The following DCLK2 variants were observed in gnomAD, a reference collection of about 807,000 sequenced individuals.
DCLK2 encodes doublecortin like kinase 2.
A neutral mutation model predicts 78.4 loss-of-function variants in DCLK2; 31 were observed. The observed-to-expected ratio is 0.40, with a 90% CI of 0.30 to 0.53. The LOEUF is 0.53. Among genes scored for constraint, DCLK2 ranks in the 20% least tolerant of loss-of-function variants. The pLI, the probability that DCLK2 is intolerant of heterozygous loss-of-function variation, is 0.61. For missense variants in DCLK2, 872 were observed against 973.7 expected (o/e 0.90, Z 1.39); for synonymous variants, 407 against 374.9 (o/e 1.09, Z -0.99).
At chr4:150,147,721 T>G (rs1734585630) in intron 2 of DCLK2, among the ~76,000 whole-genome samples, 1 of 152,240 alleles carries the variant, frequency 6.6e-6, no homozygotes, top group African/African-American at 2.4e-5. Flanking sequence ...CCTGTGGAAC[T>G]GATGCTGGAA....
chr4:150,204,241 A>C (rs1739673973), intron 5 of DCLK2, among the ~76,000 whole-genome samples: 1 of 152,190 alleles, frequency 6.6e-6, no homozygotes, highest in African/African-American at 2.4e-5. Context: ...TTCTTTAAAA[A>C]ATCTTGTTTC....
At chr4:150,174,777 A>G (rs1016194532) in intron 2 of DCLK2, among the ~76,000 whole-genome samples, 1 of 151,182 alleles carries the variant, frequency 6.6e-6, no homozygotes, top group Non-Finnish European at 1.5e-5. Context: ...CAGGTGGATC[A>G]CCTGAGGTCA....
At chr4:150,171,865 C>T (rs1300023345) in intron 2 of DCLK2, among the ~76,000 whole-genome samples, 1 of 152,246 alleles carries the variant, frequency 6.6e-6, no homozygotes, top group Admixed American at 6.5e-5. Context: ...CATTCCACTT[C>T]TTTTCTAAGG....
intron 1 of DCLK2, among the ~76,000 whole-genome samples, chr4:150,081,657 TC>T (rs1169673474): frequency 6.6e-6 from 1 of 152,054 alleles, no homozygotes; most frequent in African/African-American, 2.4e-5. Flanking sequence ...TCTTCAGTTT[TC>T]CCCCAAATTA....
intron 2 of DCLK2, among the ~76,000 whole-genome samples, chr4:150,162,526 A>G (rs1293021394): frequency 6.6e-6 from 1 of 152,212 alleles, no homozygotes; most frequent in Non-Finnish European, 1.5e-5. Flanking sequence ...TAGTTAACCT[A>G]ATAAATATCT....
At chr4:150,242,690 C>T (rs1482769644) in intron 12 of DCLK2, among the ~76,000 whole-genome samples, 1 of 152,100 alleles carries the variant, frequency 6.6e-6, no homozygotes, top group Non-Finnish European at 1.5e-5. Context: ...CAAGATTCCC[C>T]AAAGCAGCCA....
At chr4:150,103,228 A>AC (rs1731009755) in intron 2 of DCLK2, among the ~76,000 whole-genome samples, 1 of 152,102 alleles carries the variant, frequency 6.6e-6, no homozygotes, top group African/African-American at 2.4e-5. Flanking sequence ...TCTTAGAAAA[A>AC]CCTTTTCTTC....
At chr4:150,155,717 T>C (rs1735222517) in intron 2 of DCLK2, among the ~76,000 whole-genome samples, 1 of 152,164 alleles carries the variant, frequency 6.6e-6, no homozygotes. Flanking sequence ...ATGGTGGGCA[T>C]TGTACATCAA....
At chr4:150,253,652 C>T (rs773140087) in intron 15 of DCLK2, 7 of 1,265,458 alleles carry the variant, frequency 5.5e-6, no homozygotes, top group Non-Finnish European at 7.2e-6. Context: ...GTCCGGCTCT[C>T]AGCTGCTTAC....
intron 1 of DCLK2, among the ~76,000 whole-genome samples, chr4:150,091,626 G>T (rs1454136892): frequency 6.6e-6 from 1 of 152,172 alleles, no homozygotes; most frequent in African/African-American, 2.4e-5. Context: ...AGTTAGTTGT[G>T]TTAGGCAGTT....
intron 5 of DCLK2, among the ~76,000 whole-genome samples, chr4:150,204,333 A>G (rs1413856559): frequency 6.6e-6 from 1 of 152,124 alleles, no homozygotes. Flanking sequence ...TAATGTTTAT[A>G]CTCACAAGCT....
chr4:150,222,167 C>T (rs556890199), intron 7 of DCLK2, among the ~76,000 whole-genome samples: 2 of 152,074 alleles, frequency 1.3e-5, no homozygotes, highest in South Asian at 4.2e-4. Context: ...TGTTGCCAGG[C>T]TGGTCCTAGG....
intron 1 of DCLK2, among the ~76,000 whole-genome samples, chr4:150,085,522 T>A (rs1454561129): frequency 1.3e-5 from 2 of 152,166 alleles, no homozygotes; most frequent in Non-Finnish European, 1.5e-5. Flanking sequence ...GGTGCCCTCA[T>A]GATCTAATCA....
At chr4:150,225,148 AGAG>A (rs1741504914) in intron 8 of DCLK2, among the ~76,000 whole-genome samples, 1 of 152,236 alleles carries the variant, frequency 6.6e-6, no homozygotes, top group South Asian at 2.1e-4. Context: ...TCTTTGCCTC[AGAG>A]GAGAATATTA....
chr4:150,087,072 A>G (rs752756184), intron 1 of DCLK2, among the ~76,000 whole-genome samples: 1 of 152,224 alleles, frequency 6.6e-6, no homozygotes, highest in Admixed American at 6.5e-5. Flanking sequence ...AAAACATGTT[A>G]TAATTCAATC....
intron 9 of DCLK2, 56 bp downstream of exon 9, chr4:150,232,512 G>T: frequency 1.3e-6 from 2 of 1,596,126 alleles, no homozygotes; most frequent in Non-Finnish European, 1.7e-6. Flanking sequence ...CAACATCCTT[G>T]AAGGACCTAA....
At chr4:150,126,461 A>G (rs1368312881) in intron 2 of DCLK2, among the ~76,000 whole-genome samples, 1 of 152,240 alleles carries the variant, frequency 6.6e-6, no homozygotes, top group Non-Finnish European at 1.5e-5. Flanking sequence ...TAGAGGCATC[A>G]AAAATGCTTC....
At chr4:150,122,378 T>C (rs1024521562) in intron 2 of DCLK2, among the ~76,000 whole-genome samples, 1 of 152,194 alleles carries the variant, frequency 6.6e-6, no homozygotes, top group African/African-American at 2.4e-5. Flanking sequence ...AATGATAGAC[T>C]GGATAAAGCA....
chr4:150,103,287 A>G (rs1410284955), intron 2 of DCLK2, among the ~76,000 whole-genome samples: 1 of 152,236 alleles, frequency 6.6e-6, no homozygotes, highest in Non-Finnish European at 1.5e-5. Flanking sequence ...AAGTACTTTT[A>G]TAGGAATGTC....
Sources: allele counts gnomAD v4.1 joint callset (sites outside exome capture counted in the v4.1 genomes callset), GRCh38; gene constraint gnomAD v4.1.1; transcripts MANE v1.5; gene names NCBI Gene and HGNC (gene_info 2026-07-23, HGNC 2026-07-21).